The following DAP variants were observed in gnomAD, a reference collection of about 807,000 sequenced individuals.
The protein encoded by DAP is death associated protein.
A neutral mutation model predicts 13.8 loss-of-function variants in DAP; 8 were observed. The observed-to-expected ratio is 0.58, with a 90% confidence interval of 0.34 to 1.05. The LOEUF (loss-of-function observed/expected upper bound fraction) is 1.05. Among genes scored for constraint, DAP ranks in the 50% least tolerant of loss-of-function variants. The pLI, the probability that DAP is intolerant of heterozygous loss-of-function variation, is 0.03. For synonymous variants in DAP, 47 were observed against 47.5 expected (o/e 0.99, Z 0.04); for missense variants, 106 against 133.2 (o/e 0.80, Z 1.01).
chr5:10,747,316 C>G (rs1316806519), intron 2 of DAP, among the ~76,000 whole-genome samples: 2 of 152,154 alleles, frequency 1.3e-5, no homozygotes, highest in African/African-American at 2.4e-5. Flanking sequence ...GTCCCTGAAC[C>G]CAACTGGAAA....
chr5:10,683,651 G>T, intron 2 of DAP, 80 bp from the exon 3 acceptor site: 1 of 1,380,862 alleles, frequency 7.2e-7, no homozygotes, highest in East Asian at 2.3e-5. Context: ...TGTGTATGTG[G>T]ATGAGCCAGG....
intron 2 of DAP, among the ~76,000 whole-genome samples, chr5:10,708,544 G>A (rs1393713346): frequency 2.0e-5 from 3 of 152,044 alleles, no homozygotes; most frequent in African/African-American, 4.8e-5. Flanking sequence ...GATCTGTATG[G>A]TCCCATCCCT....
intron 2 of DAP, among the ~76,000 whole-genome samples, chr5:10,689,136 C>T (rs181466427): frequency 6.6e-6 from 1 of 152,204 alleles, no homozygotes; most frequent in East Asian, 1.9e-4. Context: ...TGTGTGTGAA[C>T]AGTGATGATA....
intron 2 of DAP, among the ~76,000 whole-genome samples, chr5:10,735,110 T>G (rs1467418351): frequency 6.6e-6 from 1 of 152,172 alleles, no homozygotes; most frequent in African/African-American, 2.4e-5. Context: ...TGCCTCAAAC[T>G]GTGCTCAGAT....
Position 10,680,760 on chromosome 5 carries a change from G to A in DAP, c.*296C>T, listed in dbSNP as rs903448424. ...CCATAGACAAGGACGTCAGGTGACT[G>A]CTGAAATAGAACTAAAGCTAAAATT... On this transcript the variant is annotated 3_prime_UTR_variant, in exon 4 of 4. Transcript: ENST00000230895. 5.9e-6 allele frequency: 9 copies of A among 1,536,376 alleles called. No individual in the cohort carries two copies. The Admixed American group carries it at 1.6e-4, about 27-fold the overall frequency.
intron 2 of DAP, among the ~76,000 whole-genome samples, chr5:10,709,275 T>A (rs1738780578): frequency 6.6e-6 from 1 of 152,246 alleles, no homozygotes; most frequent in South Asian, 2.1e-4. Context: ...GTACATGCAT[T>A]CCTATAAAAA....
intron 2 of DAP, among the ~76,000 whole-genome samples, chr5:10,698,281 G>GAAAA (rs1738480540): frequency 9.0e-5 from 1 of 11,068 alleles, no homozygotes; most frequent in Admixed American, 1.0e-3. Context: ...TCCAGACTTA[G>GAAAA]CAAAAAAAAA....
rs756468090 is a variant in DAP, at chr5:10,683,488, T to G, written c.195+41A>C. On this transcript the variant is annotated intron_variant, in intron 3 of 3. Coordinates refer to ENST00000230895, the MANE Select transcript of DAP (RefSeq NM_004394.3). ...GCAACCAGGAGACTCCATGCTGCCA[T>G]GCAAAAGCCTCAAACCCACCGCAGA... The G allele has an allele frequency of 1.9e-6, 3 of 1,601,826 alleles. No individual in the cohort carries two copies. In the Admixed American group the frequency reaches 5.0e-5, roughly 27 times the overall value.
chr5:10,688,080 T>A (rs1006289062), intron 2 of DAP, among the ~76,000 whole-genome samples: 1 of 152,080 alleles, frequency 6.6e-6, no homozygotes, highest in African/African-American at 2.4e-5. Flanking sequence ...CATGCCTGGC[T>A]AATTTTTGTA....
At chr5:10,743,823 T>C (rs1165219015) in intron 2 of DAP, among the ~76,000 whole-genome samples, 1 of 152,246 alleles carries the variant, frequency 6.6e-6, no homozygotes, top group Non-Finnish European at 1.5e-5. Flanking sequence ...TTACTCTTCC[T>C]GGACATGAAG....
At chr5:10,691,336 T>C (rs1192700244) in intron 2 of DAP, among the ~76,000 whole-genome samples, 1 of 152,282 alleles carries the variant, frequency 6.6e-6, no homozygotes, top group Non-Finnish European at 1.5e-5. Flanking sequence ...CCCAATCCTT[T>C]TTTCCAACTA....
At chr5:10,683,174 T>C in intron 3 of DAP, 1 of 317,952 alleles carries the variant, frequency 3.1e-6, no homozygotes, top group Non-Finnish European at 5.9e-6. Flanking sequence ...TCTTCAGGCA[T>C]CCTCTGATAA....
At chr5:10,723,135 C>T (rs910807275) in intron 2 of DAP, among the ~76,000 whole-genome samples, 1 of 152,152 alleles carries the variant, frequency 6.6e-6, no homozygotes, top group East Asian at 1.9e-4. Context: ...TCACAGTCTC[C>T]TCTAAAAGAG....
chr5:10,714,455 A>G (rs1738930224), intron 2 of DAP, among the ~76,000 whole-genome samples: 1 of 152,250 alleles, frequency 6.6e-6, no homozygotes, highest in African/African-American at 2.4e-5. Flanking sequence ...TTGTTATTAA[A>G]TCTTAAAAAA....
At position 10,679,391 on chromosome 5, in the gene DAP, C is replaced by G. The variant is rs1439206192; in HGVS notation, c.*1665G>C. The G allele has an allele frequency of 6.6e-6, 1 of 152,386 alleles. No individual in the cohort carries two copies. Among genetic ancestry groups the G allele is most frequent in the Non-Finnish European group, 1.5e-5 (1 of 68,050 alleles). 9.4% of individuals were successfully genotyped at this position (152,386 alleles called of 1,614,324 possible). A position where few individuals can be genotyped will look rare whatever the true frequency, so the allele number is the denominator to read the frequency against. On this transcript the variant is annotated 3_prime_UTR_variant, in exon 4 of 4. Coordinates refer to ENST00000230895, the MANE Select transcript of DAP (RefSeq NM_004394.3). ...ATAAAAAGCGCACCTCTGGAAATAA[C>G]AGCCCTCCCTCTGGCTGAAGACTGA...
intron 2 of DAP, among the ~76,000 whole-genome samples, chr5:10,687,803 A>G (rs1198299952): frequency 6.6e-6 from 1 of 152,094 alleles, no homozygotes; most frequent in Non-Finnish European, 1.5e-5. Context: ...AAGTTCTACC[A>G]TGGGTAAAAT....
intron 2 of DAP, among the ~76,000 whole-genome samples, chr5:10,687,903 GTCT>G (rs947355960): frequency 4.9e-5 from 6 of 123,556 alleles, no homozygotes; most frequent in African/African-American, 7.3e-5. Context: ...CTTCATTGTT[GTCT>G]TTTTTTTTTT....
intron 2 of DAP, among the ~76,000 whole-genome samples, chr5:10,690,173 C>T (rs1157654608): frequency 1.3e-5 from 2 of 152,114 alleles, no homozygotes; most frequent in African/African-American, 2.4e-5. Flanking sequence ...CCGCAAGAGG[C>T]GACTCGGCGG....
intron 2 of DAP, among the ~76,000 whole-genome samples, chr5:10,715,454 G>GT (rs1738960127): frequency 6.6e-6 from 1 of 152,184 alleles, no homozygotes; most frequent in African/African-American, 2.4e-5. Context: ...GGGACATGGA[G>GT]TAGAAGCCTG....
Sources: gnomAD v4.1 joint callset for allele counts (sites outside exome capture counted in the v4.1 genomes callset) on GRCh38, gnomAD v4.1.1 for gene constraint, MANE v1.5 for transcripts, NCBI Gene and HGNC (gene_info 2026-07-23, HGNC 2026-07-21) for gene names.